Variants in PTPRD observed in about 807,000 individuals in gnomAD.
The protein encoded by PTPRD is protein tyrosine phosphatase receptor type D, also known as receptor-type tyrosine-protein phosphatase delta.
Under a neutral mutation model 214.5 loss-of-function variants are expected in PTPRD, and 34 were observed. That is an observed-to-expected ratio of 0.16 (90% CI 0.12 to 0.21). The LOEUF is 0.21. Ranked by LOEUF, PTPRD falls within the 10% of genes least tolerant of loss-of-function variation. The probability of loss-of-function intolerance (pLI) is 1.00; values close to 1 mark genes in which losing one functional copy is unlikely to be tolerated. For missense variants in PTPRD, 2,545 were observed against 2,398.7 expected (o/e 1.06, Z -1.27); for synonymous variants, 1,128 against 845.7 (o/e 1.33, Z -5.79).
chr9:10,356,976 C>A (rs532043640), intron 2 of PTPRD, among the ~76,000 whole-genome samples: 17 of 151,994 alleles, frequency 1.1e-4, no homozygotes, highest in Non-Finnish European at 2.2e-4. Flanking sequence ...CCACCACGCC[C>A]GGCCCATAAG....
At chr9:8,566,742 T>C (rs180982762) in intron 14 of PTPRD, among the ~76,000 whole-genome samples, 1 of 152,332 alleles carries the variant, frequency 6.6e-6, no homozygotes, top group East Asian at 1.9e-4. Flanking sequence ...CATTGTGAAT[T>C]ACCCAGAAAC....
intron 2 of PTPRD, among the ~76,000 whole-genome samples, chr9:10,351,703 T>C (rs906416511): frequency 2.6e-5 from 4 of 151,840 alleles, no homozygotes; most frequent in Non-Finnish European, 4.4e-5. Context: ...TCCTAAAATC[T>C]TTTATCACAT....
At chr9:9,807,145 G>C (rs1215831505) in intron 5 of PTPRD, among the ~76,000 whole-genome samples, 3 of 152,084 alleles carry the variant, frequency 2.0e-5, no homozygotes, top group South Asian at 4.1e-4. Flanking sequence ...ACTTGCCTCA[G>C]TCTCTATCTT....
intron 4 of PTPRD, among the ~76,000 whole-genome samples, chr9:9,962,126 A>G (rs1267919154): frequency 2.6e-5 from 4 of 152,146 alleles, no homozygotes; most frequent in Non-Finnish European, 5.9e-5. Context: ...AAATTTTTAA[A>G]AAGTTAATGA....
intron 3 of PTPRD, among the ~76,000 whole-genome samples, chr9:10,316,063 G>C (rs1278823998): frequency 6.7e-6 from 1 of 150,192 alleles, no homozygotes; most frequent in Middle Eastern, 3.5e-3. Context: ...ATTTATAATG[G>C]TGTTGTAATA....
chr9:10,178,908 T>C (rs1156569727), intron 3 of PTPRD, among the ~76,000 whole-genome samples: 2 of 151,898 alleles, frequency 1.3e-5, no homozygotes, highest in Non-Finnish European at 2.9e-5. Context: ...AAAATGTATT[T>C]CTATGAGTCA....
intron 6 of PTPRD, among the ~76,000 whole-genome samples, chr9:9,758,009 C>T (rs904603965): frequency 2.6e-5 from 4 of 152,036 alleles, no homozygotes; most frequent in African/African-American, 9.7e-5. Flanking sequence ...GATAGTTCCA[C>T]TGCCATATCT....
intron 45 of PTPRD, among the ~76,000 whole-genome samples, chr9:8,319,295 C>G (rs146270160): frequency 2.6e-5 from 4 of 151,858 alleles, no homozygotes; most frequent in African/African-American, 7.3e-5. Flanking sequence ...CTTATTATTA[C>G]GAGAAATATC....
chr9:9,751,819 A>G (rs1044223624), intron 6 of PTPRD, among the ~76,000 whole-genome samples: 1 of 152,122 alleles, frequency 6.6e-6, no homozygotes, highest in Non-Finnish European at 1.5e-5. Context: ...AGTTTGTACT[A>G]CTTTGCAATA....
At chr9:8,640,681 TAAAA>T (rs59897269) in intron 12 of PTPRD, among the ~76,000 whole-genome samples, 10,222 of 133,116 alleles carry the variant, frequency 0.077, 1,077 homozygotes, top group African/African-American at 0.25. Context: ...AGAAATTCTG[TAAAA>T]AAAAAAAAAA....
intron 12 of PTPRD, among the ~76,000 whole-genome samples, chr9:8,686,712 G>T (rs1244909742): frequency 6.6e-6 from 1 of 152,056 alleles, no homozygotes; most frequent in Non-Finnish European, 1.5e-5. Flanking sequence ...CAAGTAGAAG[G>T]TTACCAAATA....
chr9:9,521,928 C>A (rs1228683416), intron 8 of PTPRD, among the ~76,000 whole-genome samples: 1 of 151,994 alleles, frequency 6.6e-6, no homozygotes, highest in Non-Finnish European at 1.5e-5. Context: ...GAGGCAGAGG[C>A]AGGTGGATCA....
At chr9:8,886,431 AG>A (rs2098488846) in intron 11 of PTPRD, among the ~76,000 whole-genome samples, 1 of 152,194 alleles carries the variant, frequency 6.6e-6, no homozygotes, top group Non-Finnish European at 1.5e-5. Context: ...TCCAGGACAT[AG>A]ATTTTGACCC....
At chr9:10,157,499 T>C (rs73394296) in intron 3 of PTPRD, among the ~76,000 whole-genome samples, 8,914 of 152,250 alleles carry the variant, frequency 0.059, 712 homozygotes, top group East Asian at 0.18. Flanking sequence ...CTGAGAGGTC[T>C]GGTGTTAGTC....
At position 10,332,702 on chromosome 9, in the gene PTPRD, AAAGT is replaced by A. The variant is rs1169553997; in HGVS notation, c.-545+8257_-545+8260del. On this transcript the variant is annotated intron_variant, in intron 3 of 45. Transcript: ENST00000381196. ...TGAGAAAACCGAGACCTGAAAAAAT[AAAGT>A]AAGTTTTTCAAGGTCACACAATTAA... Among the ~76,000 whole-genome samples the A allele has an allele frequency of 2.0e-5, 3 of 151,906 alleles. No individual in the cohort carries two copies. The East Asian group carries it at 5.9e-4, about 30-fold the overall frequency.
chr9:10,310,977 G>A (rs2096251691), intron 3 of PTPRD, among the ~76,000 whole-genome samples: 1 of 151,972 alleles, frequency 6.6e-6, no homozygotes, highest in Non-Finnish European at 1.5e-5. Flanking sequence ...AAGCATGTGT[G>A]GTAAATGGGA....
intron 14 of PTPRD, among the ~76,000 whole-genome samples, chr9:8,595,969 T>C (rs765390987): frequency 3.6e-4 from 55 of 152,200 alleles, no homozygotes; most frequent in Non-Finnish European, 3.8e-4. Context: ...CTACAAATCA[T>C]AGGTTAAGTT....
At chr9:9,686,928 G>C (rs1037873510) in intron 7 of PTPRD, among the ~76,000 whole-genome samples, 2 of 151,664 alleles carry the variant, frequency 1.3e-5, no homozygotes, top group Non-Finnish European at 3.0e-5. Context: ...GTTGCTTGGT[G>C]CTACAGGAAA....
intron 9 of PTPRD, among the ~76,000 whole-genome samples, chr9:9,383,953 C>G (rs1170660218): frequency 6.6e-6 from 1 of 151,870 alleles, no homozygotes; most frequent in African/African-American, 2.4e-5. Context: ...ATATCTAACC[C>G]TGCTCAGTAT....
Sources: gnomAD v4.1 joint callset for allele counts (sites outside exome capture counted in the v4.1 genomes callset) on GRCh38, gnomAD v4.1.1 for gene constraint, MANE v1.5 for transcripts, NCBI Gene and HGNC (gene_info 2026-07-23, HGNC 2026-07-21) for gene names.